The following TTC6 variants were observed in gnomAD, a reference collection of about 807,000 sequenced individuals.
TTC6 encodes tetratricopeptide repeat protein 6.
A neutral mutation model predicts 210.4 loss-of-function variants in TTC6; 172 were observed. That is an observed-to-expected ratio of 0.82 (90% confidence interval 0.72 to 0.93). TTC6 has a LOEUF of 0.93. TTC6 is among the 40% of genes least tolerant of loss of function. The pLI is 0.00. For missense variants in TTC6, 2,414 were observed against 2,318.1 expected (o/e 1.04, Z -0.85); for synonymous variants, 804 against 819.6 (o/e 0.98, Z 0.32).
At chr14:37,666,446 CAAA>C (rs11416752) in intron 1 of TTC6, among the ~76,000 whole-genome samples, 5 of 122,036 alleles carry the variant, frequency 4.1e-5, no homozygotes, top group Admixed American at 1.7e-4. Flanking sequence ...GGCCCTGTCT[CAAA>C]AAAAAAAAAA....
chr14:37,824,028 C>A, intron 27 of TTC6, 71 bp downstream of exon 29: 2 of 1,332,838 alleles, frequency 1.5e-6, no homozygotes, highest in Non-Finnish European at 2.1e-6. Context: ...TCTTTCCTGG[C>A]AATGGGAGTA....
rs562334342 is a variant in TTC6, at chr14:37,707,910, A to G, written c.1571+6384A>G. 3.9e-5 allele frequency among the ~76,000 whole-genome samples: 6 copies of G among 152,204 alleles called. No homozygotes were observed. The South Asian group carries it at 1.0e-3, about 26-fold the overall frequency. ...GTAGGAGAACCAGAGATGCAGGTTT[A>G]TGTTAGCAGTTGAGTCACTCAGAAT... is the stretch of plus-strand genomic sequence containing the variant. On this transcript the variant is annotated intron_variant, in intron 5 of 30. Transcript: ENST00000553443.
At chr14:37,624,350 A>C (rs780299403) in intron 1 of TTC6, among the ~76,000 whole-genome samples, 13 of 152,342 alleles carry the variant, frequency 8.5e-5, no homozygotes, top group Non-Finnish European at 1.9e-4. Flanking sequence ...AGCCTTAGCA[A>C]AGAGAAGAAA....
chr14:37,787,717 G>A, intron 15 of TTC6, 80 bp downstream of exon 17: 4 of 1,180,612 alleles, frequency 3.4e-6, no homozygotes, highest in Non-Finnish European at 2.2e-6. Context: ...GAATGGTAAT[G>A]TGGGTTCACT....
At chr14:37,794,782 C>T (rs2096088550) in intron 17 of TTC6, among the ~76,000 whole-genome samples, 1 of 152,014 alleles carries the variant, frequency 6.6e-6, no homozygotes, top group East Asian at 1.9e-4. Context: ...GATGGAGTCT[C>T]ACTATGTTGA....
At chr14:37,701,387 G>A in exon 5 of TTC6, 2 of 1,529,550 alleles carry the variant, frequency 1.3e-6, no homozygotes, top group Non-Finnish European at 1.7e-6. Context: ...CACCATCCCA[G>A]CCCAGGAGCT....
At chr14:37,765,987 A>T (rs1347778072) in intron 14 of TTC6, among the ~76,000 whole-genome samples, 3 of 151,406 alleles carry the variant, frequency 2.0e-5, no homozygotes, top group African/African-American at 2.4e-5. Context: ...ATCCCCCAAG[A>T]TTTTCTTTGT....
intron 14 of TTC6, among the ~76,000 whole-genome samples, chr14:37,777,770 GT>G (rs71127243): frequency 0.035 from 4,705 of 136,310 alleles, 110 homozygotes; most frequent in Non-Finnish European, 0.051. Flanking sequence ...CTTCGTGTAG[GT>G]TTTTTTTTTT....
intron 7 of TTC6, among the ~76,000 whole-genome samples, chr14:37,733,215 C>G (rs2095892579): frequency 6.6e-6 from 1 of 152,170 alleles, no homozygotes; most frequent in Non-Finnish European, 1.5e-5. Flanking sequence ...TACGCTTTTA[C>G]TTTGATAGAT....
intron 7 of TTC6, among the ~76,000 whole-genome samples, chr14:37,734,807 A>G (rs2095897159): frequency 6.6e-6 from 1 of 152,116 alleles, no homozygotes; most frequent in Non-Finnish European, 1.5e-5. Flanking sequence ...GCTCCAGCAT[A>G]TATGTTCTTT....
intron 25 of TTC6, among the ~76,000 whole-genome samples, chr14:37,817,331 AGT>A (rs2096144434): frequency 6.6e-6 from 1 of 152,226 alleles, no homozygotes; most frequent in Non-Finnish European, 1.5e-5. Context: ...AGAGACCAGT[AGT>A]ACAAGATTCT....
intron 29 of TTC6, among the ~76,000 whole-genome samples, chr14:37,836,340 A>G (rs1171455447): frequency 6.6e-6 from 1 of 152,176 alleles, no homozygotes; most frequent in Non-Finnish European, 1.5e-5. Context: ...GCTGGATCCT[A>G]GAAATGTTTA....
Position 37,735,907 on chromosome 14 carries a change from T to C in TTC6, c.1819-14T>C, listed in dbSNP as rs1257516324. 2 of 1,470,054 alleles carry C rather than the reference T, an allele frequency of 1.4e-6. No individual in the cohort carries two copies. The highest frequency in any genetic ancestry group is 1.8e-6 in the Non-Finnish European group (2 of 1,094,404). The allele number at this position is 1,470,054 out of a possible 1,614,324, so 91.1% of individuals were successfully genotyped here. On this transcript the variant is annotated splice_polypyrimidine_tract_variant and intron_variant, in intron 7 of 30. Transcript: ENST00000553443. ...TCCAAAACATAATTTAAAATTGTTA[T>C]CTTTTTATCACAGAGTGTTCAAGCA...
At chr14:37,724,313 A>G (rs1453465945) in intron 6 of TTC6, among the ~76,000 whole-genome samples, 1 of 152,122 alleles carries the variant, frequency 6.6e-6, no homozygotes, top group Non-Finnish European at 1.5e-5. Context: ...ACCAATAAAT[A>G]ATACATTTTT....
intron 14 of TTC6, among the ~76,000 whole-genome samples, chr14:37,765,830 AT>A (rs938126937): frequency 5.3e-5 from 8 of 151,228 alleles, no homozygotes; most frequent in Middle Eastern, 3.4e-3. Flanking sequence ...TTCTTGCTTG[AT>A]TTTTTTTTAA....
intron 20 of TTC6, among the ~76,000 whole-genome samples, chr14:37,799,595 T>G (rs1284498503): frequency 6.6e-6 from 1 of 152,098 alleles, no homozygotes; most frequent in Non-Finnish European, 1.5e-5. Flanking sequence ...GGTTATGTAG[T>G]AGACTGGAGA....
intron 1 of TTC6, among the ~76,000 whole-genome samples, chr14:37,624,890 G>A (rs951715867): frequency 1.3e-5 from 2 of 152,088 alleles, no homozygotes; most frequent in Non-Finnish European, 2.9e-5. Flanking sequence ...CAAAGTGCTA[G>A]GATTACAGGC....
intron 24 of TTC6, among the ~76,000 whole-genome samples, chr14:37,811,525 A>G (rs1283042193): frequency 1.3e-5 from 2 of 152,148 alleles, no homozygotes; most frequent in Non-Finnish European, 2.9e-5. Flanking sequence ...TGATCAGACC[A>G]TATGGCTCTT....
At chr14:37,795,375 C>T in intron 18 of TTC6, 23 bp downstream of exon 20, 2 of 1,448,992 alleles carry the variant, frequency 1.4e-6, no homozygotes. Flanking sequence ...AAACTGAATT[C>T]TTCTTGGGAT....
Sources: allele counts gnomAD v4.1 joint callset (sites outside exome capture counted in the v4.1 genomes callset), GRCh38; gene constraint gnomAD v4.1.1; transcripts MANE v1.5; gene names NCBI Gene and HGNC (gene_info 2026-07-23, HGNC 2026-07-21).